Variants in FOXK1 observed in about 807,000 individuals in gnomAD.
FOXK1 encodes forkhead box K1.
A neutral mutation model predicts 51.9 loss-of-function variants in FOXK1; 19 were observed. The observed-to-expected ratio is 0.37, with a 90% CI of 0.26 to 0.54. The LOEUF (loss-of-function observed/expected upper bound fraction) is 0.54, where lower values mean the gene tolerates loss of function less well. Ranked by LOEUF, FOXK1 falls within the 20% of genes least tolerant of loss-of-function variation. The pLI, the probability that FOXK1 is intolerant of heterozygous loss-of-function variation, is 0.87. For synonymous variants in FOXK1, 537 were observed against 482.6 expected, an observed-to-expected ratio of 1.11 and a Z score of -1.48; for missense variants, 870 against 1,032.7, an observed-to-expected ratio of 0.84 and a Z score of 2.16.
intron 1 of FOXK1, among the ~76,000 whole-genome samples, chr7:4,695,749 C>G (rs1779943390): frequency 6.6e-6 from 1 of 152,118 alleles, no homozygotes; most frequent in Non-Finnish European, 1.5e-5. Flanking sequence ...CCAGCCTGAC[C>G]AACGTGGAGA....
Position 4,715,185 on chromosome 7 carries a change from G to GGTGGAACTGTGGCGATACGGGGCACA in FOXK1, c.561-25628_561-25627insAGTGGAACTGTGGCGATACGGGGCAC, listed in dbSNP as rs1372082646. On this transcript the variant is annotated intron_variant, in intron 1 of 8. Transcript: ENST00000328914. The surrounding 1 kb of genome is among the most constrained non-coding windows in gnomAD (Gnocchi z 4.5). ...GTGGAACTGTGACGATACGGGGCAC[G>GGTGGAACTGTGGCGATACGGGGCACA]GTGGAACTGTGGCGATACGGGGCAC... 2.6e-5 allele frequency among the ~76,000 whole-genome samples: 4 copies of GGTGGAACTGTGGCGATACGGGGCACA among 151,946 alleles called. No individual in the cohort carries two copies. Among genetic ancestry groups the GGTGGAACTGTGGCGATACGGGGCACA allele is most frequent in the African/African-American group, 9.7e-5 (4 of 41,318 alleles).
At chr7:4,705,968 A>ACG (rs1780087815) in intron 1 of FOXK1, among the ~76,000 whole-genome samples, 5 of 77,290 alleles carry the variant, frequency 6.5e-5, no homozygotes, top group African/African-American at 4.2e-4. Context: ...ATGTATATAT[A>ACG]TATACGTATA....
At chr7:4,688,877 G>T (rs1017251017) in intron 1 of FOXK1, among the ~76,000 whole-genome samples, 8 of 152,048 alleles carry the variant, frequency 5.3e-5, no homozygotes, top group Non-Finnish European at 5.9e-5. Context: ...CTAGGTGGTG[G>T]TGCACGCAGA....
At chr7:4,757,634 C>CAAAAAAAAAAAAAA (rs59200954) in intron 5 of FOXK1, among the ~76,000 whole-genome samples, 4 of 20,196 alleles carry the variant, frequency 2.0e-4, no homozygotes, top group African/African-American at 2.7e-4. Flanking sequence ...AACTCCGTCT[C>CAAAAAAAAAAAAAA]AAAAAAAAAA....
rs1286050527 is a variant in FOXK1 at position 4,703,645 on chromosome 7, T to C, written c.560+20777T>C. The stretch of plus-strand genomic sequence containing the variant: ...CTGGCAAAACTAAAAGCTTGAATAT[T>C]AAAACCAAATGATCCCGGGTAGAGC... On this transcript the variant is annotated intron_variant, in intron 1 of 8. Transcript: ENST00000328914. This position sits in a 1 kb window ranked among gnomAD's most constrained non-coding sequence, Gnocchi z 5.6. 1.3e-5 allele frequency among the ~76,000 whole-genome samples: 2 copies of C among 152,182 alleles called. No individual in the cohort carries two copies. The highest frequency in any genetic ancestry group is 1.3e-4 in the Admixed American group (2 of 15,276).
At chr7:4,705,554 T>TCTCTCTCTCTCTCTCTCTCTCTCG (rs895937029) in intron 1 of FOXK1, among the ~76,000 whole-genome samples, 2 of 131,512 alleles carry the variant, frequency 1.5e-5, no homozygotes, top group African/African-American at 3.2e-5. Context: ...TCTCTCTCTC[T>TCTCTCTCTCTCTCTCTCTCTCTCG]CTCTCGCTCT....
At chr7:4,686,288 C>T (rs904000887) in intron 1 of FOXK1, among the ~76,000 whole-genome samples, 2 of 152,090 alleles carry the variant, frequency 1.3e-5, no homozygotes, top group Admixed American at 1.3e-4. Flanking sequence ...CTGTGTTGTC[C>T]GGGGCCACCC....
chr7:4,724,283 T>C (rs6463014), intron 1 of FOXK1, among the ~76,000 whole-genome samples: 127,468 of 152,216 alleles, frequency 0.84, 53,905 homozygotes, highest in African/African-American at 0.96. Flanking sequence ...GCAACCTCCG[T>C]CTCCCGGGTT....
chr7:4,725,422 G>C (rs1224098403), intron 1 of FOXK1, among the ~76,000 whole-genome samples: 1 of 152,244 alleles, frequency 6.6e-6, no homozygotes, highest in Non-Finnish European at 1.5e-5. Context: ...AGTGAAACCG[G>C]GCTTAGTTGT....
At chr7:4,757,324 C>T in intron 5 of FOXK1, 137 bp downstream of exon 5, 1 of 752,800 alleles carries the variant, frequency 1.3e-6, no homozygotes, top group Non-Finnish European at 2.1e-6. Flanking sequence ...GATCACAGGT[C>T]AAAAATATTC....
chr7:4,717,399 T>C (rs1261804619), intron 1 of FOXK1, among the ~76,000 whole-genome samples: 1 of 135,588 alleles, frequency 7.4e-6, no homozygotes, highest in Non-Finnish European at 1.6e-5. Context: ...TGGAAGGTGG[T>C]AGCGGGAGGT....
Position 4,761,335 on chromosome 7 carries a change from C to T in FOXK1, c.1921+47C>T. The stretch of plus-strand genomic sequence containing the variant: ...CCATGCCACATCCCAAGCTCTGTGG[C>T]TCCCAGTAGTCAGTGCGGCATGAGA... On this transcript the variant is annotated intron_variant, in intron 8 of 8. Transcript: ENST00000328914. The surrounding 1 kb of genome is among the most constrained non-coding windows in gnomAD (Gnocchi z 6.2). 3.2e-6 allele frequency: 5 copies of T among 1,558,646 alleles called. No individual in the cohort carries two copies. Among genetic ancestry groups the T allele is most frequent in the Non-Finnish European group, 4.4e-6 (5 of 1,144,318 alleles).
At chr7:4,694,120 C>T (rs887057227) in intron 1 of FOXK1, among the ~76,000 whole-genome samples, 1 of 152,192 alleles carries the variant, frequency 6.6e-6, no homozygotes, top group Non-Finnish European at 1.5e-5. Context: ...CTCCTGGGCT[C>T]ACATGATCCT....
intron 1 of FOXK1, among the ~76,000 whole-genome samples, chr7:4,714,339 C>T (rs1228044738): frequency 6.6e-6 from 1 of 152,094 alleles, no homozygotes; most frequent in African/African-American, 2.4e-5. Context: ...AGTGCAATGG[C>T]GCGATCTCAG....
chr7:4,740,919 G>C lies in FOXK1; in HGVS notation c.642G>C (p.Pro214=). Residue 214 remains proline, a synonymous_variant, in exon 2 of 9, where the codon CCG becomes CCC. Transcript: ENST00000328914. The part of the protein sequence containing the change: ...LYHKEEAPAS[P]LRPLYPQISP... ...ACAAAGAAGAGGCCCCAGCCTCCCC[G>C]CTGCGGCCACTGTACCCCCAGATCT... is the stretch of plus-strand genomic sequence containing the variant. The C allele has an allele frequency of 6.3e-7, 1 of 1,585,824 alleles. No homozygotes were observed. The highest frequency in any genetic ancestry group is 8.6e-7 in the Non-Finnish European group (1 of 1,168,020).
intron 2 of FOXK1, among the ~76,000 whole-genome samples, chr7:4,741,666 T>G (rs574521495): frequency 6.6e-6 from 1 of 152,388 alleles, no homozygotes; most frequent in South Asian, 2.1e-4. Context: ...CCACCAGGAT[T>G]TGGTGAACTT....
rs112426583 is a variant in FOXK1 at position 4,766,587 on chromosome 7, G to A, written c.*4123G>A. The A allele has an allele frequency of 0.013, 2,009 of 152,450 alleles. 43 individuals are homozygous for A. Among genetic ancestry groups the A allele is most frequent in the African/African-American group, 0.044 (1,814 of 41,604 alleles). The allele number at this position is 152,450 out of a possible 1,614,324, so 9.4% of individuals were successfully genotyped here. ...GTTGCTGAGTGTTCCCTGCTCCTAGGTACCACGCTCTGTGCTTCTCAGGCA... is the reference window on the plus strand; with the variant it reads ...GTTGCTGAGTGTTCCCTGCTCCTAGATACCACGCTCTGTGCTTCTCAGGCA... On this transcript the variant is annotated 3_prime_UTR_variant, in exon 9 of 9. Transcript: ENST00000328914. This position sits in a 1 kb window ranked among gnomAD's most constrained non-coding sequence, Gnocchi z 5.5.
intron 1 of FOXK1, among the ~76,000 whole-genome samples, chr7:4,721,667 T>C (rs1031704524): frequency 2.7e-5 from 4 of 146,178 alleles, no homozygotes; most frequent in African/African-American, 1.0e-4. Flanking sequence ...CTTGGCTCAC[T>C]GCAACCTCTC....
At position 4,759,523 on chromosome 7, in the gene FOXK1, A is replaced by T; in HGVS notation, c.1624A>T (p.Ser542Cys). The change falls in exon 7 of 9, where the codon AGC becomes TGC. Residue 542 changes from serine (S) to cysteine (C), a missense_variant. Physicochemically the swap from Ser to Cys is moderately radical, Grantham distance 112 (BLOSUM62 -1). This residue lies in a region of FOXK1 where 457 missense variants were observed against 510.8 expected (regional missense o/e 0.89). Coordinates refer to ENST00000328914, the MANE Select transcript of FOXK1 (RefSeq NM_001037165.2). ...ANSANGYILT[S>C]QGAAGGSHDA... is the part of the protein sequence containing the mutation. ...CTCGGCCAACGGATACATCCTCACC[A>T]GCCAGGGCGCGGCGGGGGGCTCCCA... 1 of 1,566,908 alleles carries T rather than the reference A, an allele frequency of 6.4e-7. No homozygotes were observed. Among genetic ancestry groups the T allele is most frequent in the Non-Finnish European group, 8.6e-7 (1 of 1,162,776 alleles).
Sources: allele counts gnomAD v4.1 joint callset (sites outside exome capture counted in the v4.1 genomes callset), GRCh38; gene constraint gnomAD v4.1.1; regional missense constraint gnomAD v4.1.1; non-coding constraint Gnocchi (gnomAD v3.1); transcripts MANE v1.5; gene names NCBI Gene and HGNC (gene_info 2026-07-23, HGNC 2026-07-21).